DZANK1: variants seen among roughly 807,000 people sequenced by gnomAD.
DZANK1 encodes the protein double zinc ribbon and ankyrin repeat domains 1.
In DZANK1, 91 loss-of-function variants were observed where a neutral mutation model predicts 94.5. That is an observed-to-expected ratio of 0.96 (90% CI 0.81 to 1.15). The LOEUF is 1.15. Ranked by LOEUF, DZANK1 falls within the 50% of genes most tolerant of loss-of-function variation. The pLI is 0.00. For synonymous variants in DZANK1, 312 were observed against 325.3 expected, an observed-to-expected ratio of 0.96 and a Z score of 0.44; for missense variants, 903 against 916.4, an observed-to-expected ratio of 0.99 and a Z score of 0.19.
At chr20:18,430,011 C>A (rs1405703917) in intron 9 of DZANK1, among the ~76,000 whole-genome samples, 1 of 152,164 alleles carries the variant, frequency 6.6e-6, no homozygotes, top group Non-Finnish European at 1.5e-5. Flanking sequence ...ACAGCCTTTG[C>A]AACATACTGA....
chr20:18,445,574 T>A (rs966162249), intron 7 of DZANK1, among the ~76,000 whole-genome samples: 2 of 152,158 alleles, frequency 1.3e-5, no homozygotes, highest in Non-Finnish European at 2.9e-5. Context: ...AATCAAATCA[T>A]ATATCTTTTC....
At chr20:18,416,949 C>G (rs1459073364) in intron 10 of DZANK1, among the ~76,000 whole-genome samples, 1 of 148,778 alleles carries the variant, frequency 6.7e-6, no homozygotes, top group Non-Finnish European at 1.5e-5. Context: ...ACTGACTGTT[C>G]AAGTGGCTTT....
chr20:18,418,057 GC>G (rs1392166169), intron 10 of DZANK1, among the ~76,000 whole-genome samples: 1 of 151,998 alleles, frequency 6.6e-6, no homozygotes, highest in African/African-American at 2.4e-5. Flanking sequence ...CTGTACTCCA[GC>G]CTGGGCGACA....
At chr20:18,435,576 C>T (rs2058486234) in intron 8 of DZANK1, among the ~76,000 whole-genome samples, 1 of 152,000 alleles carries the variant, frequency 6.6e-6, no homozygotes, top group East Asian at 1.9e-4. Context: ...AGAGGAACAT[C>T]ACACACCGGG....
At chr20:18,453,666 C>A in intron 5 of DZANK1, 65 bp downstream of exon 5, 1 of 1,125,090 alleles carries the variant, frequency 8.9e-7, no homozygotes, top group Non-Finnish European at 1.3e-6. Context: ...ATGCAACGAA[C>A]ATGCCATGAA....
At position 18,384,649 on chromosome 20, in the gene DZANK1, C is replaced by T; in HGVS notation, c.2094-85G>A. The T allele has an allele frequency of 2.8e-6, 4 of 1,411,194 alleles. No individual in the cohort carries two copies. The South Asian group carries it at 4.4e-5, about 16-fold the overall frequency. The allele number at this position is 1,411,194 out of a possible 1,614,324, so 87.4% of individuals were successfully genotyped here. On this transcript the variant is annotated intron_variant, in intron 20 of 20. Coordinates refer to ENST00000262547, the Ensembl canonical transcript of DZANK1. The stretch of plus-strand genomic sequence containing the variant: ...GCTTGACTCTACCCTGCCATGGAGG[C>T]CAGGCTGGGCCCCTCCTGGTCCCAC...
At chr20:18,421,174 T>C (rs532812906) in intron 10 of DZANK1, 7 of 154,878 alleles carry the variant, frequency 4.5e-5, no homozygotes, top group African/African-American at 7.2e-5. Flanking sequence ...TAACTGGTCA[T>C]GTTTATAAAG....
chr20:18,389,744 C>G, exon 19 of DZANK1: 1 of 1,613,974 alleles, frequency 6.2e-7, no homozygotes, highest in African/African-American at 1.3e-5. Flanking sequence ...TGCACGAGAA[C>G]TGGAATCGCT....
intron 4 of DZANK1, among the ~76,000 whole-genome samples, chr20:18,454,906 A>G (rs1296473603): frequency 6.6e-6 from 1 of 152,234 alleles, no homozygotes; most frequent in East Asian, 1.9e-4. Flanking sequence ...GAGTATATGT[A>G]GGGGGTTGAC....
intron 8 of DZANK1, among the ~76,000 whole-genome samples, chr20:18,434,545 C>CAAA (rs55680576): frequency 1.7e-4 from 8 of 47,478 alleles, no homozygotes; most frequent in South Asian, 7.3e-4. Context: ...GACTCCTGCT[C>CAAA]AAAAAAAAAA....
intron 13 of DZANK1, among the ~76,000 whole-genome samples, chr20:18,400,816 G>A (rs2148319301): frequency 6.6e-6 from 1 of 152,352 alleles, no homozygotes; most frequent in East Asian, 1.9e-4. Context: ...AGTGAACAGA[G>A]TTCTTGCCCT....
At chr20:18,385,169 G>T in intron 19 of DZANK1, 79 bp from the exon 20 acceptor site, 1 of 1,444,026 alleles carries the variant, frequency 6.9e-7, no homozygotes, top group South Asian at 1.2e-5. Flanking sequence ...GTGACCCAAG[G>T]TCCTGGTTTT....
chr20:18,420,142 C>T (rs1459329055), intron 10 of DZANK1: 1 of 183,304 alleles, frequency 5.5e-6, no homozygotes, highest in Non-Finnish European at 1.2e-5. Flanking sequence ...TTCTTATTCG[C>T]AAAATTGCTA....
Position 18,415,422 on chromosome 20 carries a change from G to A in DZANK1, c.982C>T (p.Pro328Ser), listed in dbSNP as rs750755817. The A allele has an allele frequency of 3.2e-6, 5 of 1,582,054 alleles. No individual in the cohort carries two copies. In the South Asian group the frequency reaches 3.5e-5, roughly 11 times the overall value. ...GTCCCCCCTTTCTGAGTGGGCGGAG[G>A]AGGGGCTTTATCCCCACTGCACATC... Residue 328 changes from proline (P) to serine (S), a missense_variant, in exon 11 of 21, where the codon CCT becomes TCT. By Grantham distance (74) the Pro-to-Ser change is moderately conservative. Transcript: ENST00000262547.
chr20:18,388,893 G>A (rs541950069), intron 19 of DZANK1, among the ~76,000 whole-genome samples: 22 of 152,310 alleles, frequency 1.4e-4, no homozygotes, highest in African/African-American at 4.6e-4. Flanking sequence ...TTTGGCCTCC[G>A]TGGTAGCATG....
intron 10 of DZANK1, among the ~76,000 whole-genome samples, chr20:18,416,666 C>G (rs2057503307): frequency 6.6e-6 from 1 of 152,164 alleles, no homozygotes; most frequent in African/African-American, 2.4e-5. Context: ...AGGGACCGCT[C>G]TGTTATCTAG....
At chr20:18,460,021 T>C (rs2059419768) in intron 3 of DZANK1, 132 bp downstream of exon 3, 1 of 658,328 alleles carries the variant, frequency 1.5e-6, no homozygotes, top group Non-Finnish European at 2.3e-6. Flanking sequence ...TACATACATA[T>C]GCTGAAATTA....
At chr20:18,418,547 G>T (rs1054216586) in intron 10 of DZANK1, among the ~76,000 whole-genome samples, 1 of 152,158 alleles carries the variant, frequency 6.6e-6, no homozygotes, top group African/African-American at 2.4e-5. Flanking sequence ...CTAGCATTAT[G>T]AATGTTCAGC....
chr20:18,398,789 T>C (rs1007802225), intron 13 of DZANK1, among the ~76,000 whole-genome samples, 163 bp from the exon 14 acceptor site: 14 of 152,190 alleles, frequency 9.2e-5, no homozygotes, highest in Admixed American at 4.6e-4. Context: ...ACAAGTTCCA[T>C]TTTCCTCCAT....
Sources: allele counts gnomAD v4.1 joint callset (sites outside exome capture counted in the v4.1 genomes callset), GRCh38; gene constraint gnomAD v4.1.1; transcripts MANE v1.5; gene names NCBI Gene and HGNC (gene_info 2026-07-23, HGNC 2026-07-21).